The following FSD2 variants were observed in gnomAD, a reference collection of about 807,000 sequenced individuals.
FSD2 encodes the protein fibronectin type III and SPRY domain containing 2, also known as fibronectin type III and SPRY domain-containing protein 2.
FSD2 carries 71 observed loss-of-function variants against 80.4 expected under a neutral mutation model. The observed-to-expected ratio is 0.88, with a 90% CI of 0.73 to 1.08. The LOEUF (loss-of-function observed/expected upper bound fraction) is 1.08. FSD2 is among the 50% of genes least tolerant of loss of function. FSD2 has a pLI of 0.00. For synonymous variants in FSD2, 361 were observed against 329.5 expected, an observed-to-expected ratio of 1.10 and a Z score of -1.03; for missense variants, 923 against 913.8, an observed-to-expected ratio of 1.01 and a Z score of -0.13.
chr15:82,783,119 GAC>G lies in FSD2; in HGVS notation c.736-96_736-95del, dbSNP rs1268744064. 1.6e-5 allele frequency: 15 copies of G among 931,178 alleles called. No homozygotes were observed. In the East Asian group the frequency reaches 3.6e-4, roughly 22 times the overall value. The allele number at this position is 931,178 out of a possible 1,614,324, so 57.7% of individuals were successfully genotyped here. ...TGTTTTTTTGTTTGTTTGTTTTTGA[GAC>G]ACAGTCTTGCAGTGTTGCCCAGGCT... On this transcript the variant is annotated intron_variant, in intron 3 of 12. Coordinates refer to ENST00000334574, the MANE Select transcript of FSD2 (RefSeq NM_001007122.4).
intron 1 of FSD2, among the ~76,000 whole-genome samples, chr15:82,797,018 A>AT (rs1422627256): frequency 2.6e-5 from 2 of 76,762 alleles, no homozygotes; most frequent in South Asian, 3.5e-4. Flanking sequence ...TTGCTTGGTA[A>AT]TTAAAAAAAA....
intron 1 of FSD2, among the ~76,000 whole-genome samples, chr15:82,798,148 G>C (rs553174449): frequency 1.3e-5 from 2 of 152,162 alleles, no homozygotes; most frequent in African/African-American, 4.8e-5. Flanking sequence ...AGACCAGCCT[G>C]GGCAACAAAA....
rs1053810421 is a variant in FSD2, at chr15:82,766,844, A to C, written c.1554-813T>G. On this transcript the variant is annotated intron_variant, in intron 9 of 12. Transcript: ENST00000334574. ...AACCCCCTAACAGCTGCCTATTGGA[A>C]ATAATCCAATGTATTTAAATTGTAC... Among the ~76,000 whole-genome samples the C allele has an allele frequency of 1.4e-4, 22 of 152,346 alleles. 1 individual carries two copies. The highest frequency in any genetic ancestry group is 5.2e-4 in the Admixed American group (8 of 15,308).
rs2049490559 is a variant in FSD2 at position 82,768,926 on chromosome 15, C to G, written c.1507G>C (p.Val503Leu). 2 of 1,601,952 alleles carry G rather than the reference C, an allele frequency of 1.2e-6. No individual in the cohort carries two copies. The highest frequency in any genetic ancestry group is 4.5e-5 in the East Asian group (2 of 44,308). ...GNLNPVDSYT[V>L]ELTQAESPEA... is the part of the protein sequence containing the mutation. Reference sequence around the variant, plus strand: ...GGACTTTCAGCCTGGGTCAGCTCCACAGTGTACGAGTCCACAGGATTCAGG... The same window carrying G: ...GGACTTTCAGCCTGGGTCAGCTCCAGAGTGTACGAGTCCACAGGATTCAGG... Residue 503 changes from valine (V) to leucine (L), a missense_variant, in exon 9 of 13, where the codon GTG (valine) becomes CTG (leucine). By Grantham distance (32) the Val-to-Leu change is conservative. Transcript: ENST00000334574.
intron 10 of FSD2, among the ~76,000 whole-genome samples, 157 bp from the exon 11 acceptor site, chr15:82,765,455 C>A (rs546294638): frequency 7.4e-4 from 113 of 152,232 alleles, no homozygotes; most frequent in Non-Finnish European, 1.3e-3. Flanking sequence ...TGACACTCAT[C>A]GGGCAGTCTT....
rs2050474869 is a variant in FSD2 at position 82,804,068 on chromosome 15, A to G, written c.-79+1898T>C. On this transcript the variant is annotated intron_variant, in intron 1 of 12. Coordinates refer to ENST00000334574, the MANE Select transcript of FSD2 (RefSeq NM_001007122.4). ...TGTTGTTGTTCTTACTATCATTATCATGATTCCTACCTTAGTATCTCCCAC... is the reference window on the plus strand; with the variant it reads ...TGTTGTTGTTCTTACTATCATTATCGTGATTCCTACCTTAGTATCTCCCAC... 2.6e-5 allele frequency among the ~76,000 whole-genome samples: 4 copies of G among 152,188 alleles called. No individual in the cohort carries two copies. In the South Asian group the frequency reaches 8.3e-4, roughly 31 times the overall value.
chr15:82,771,903 A>G (rs1311949419), intron 7 of FSD2, among the ~76,000 whole-genome samples, 170 bp downstream of exon 7: 21 of 152,218 alleles, frequency 1.4e-4, no homozygotes, highest in Admixed American at 1.4e-3. Flanking sequence ...GTCAGGCCCC[A>G]GCGTGCCTTG....
intron 12 of FSD2, among the ~76,000 whole-genome samples, chr15:82,760,739 GCACACACA>G (rs141943507): frequency 2.0e-5 from 3 of 150,140 alleles, no homozygotes; most frequent in East Asian, 3.9e-4. Flanking sequence ...GTGCGTGCAC[GCACACACA>G]CACACACACA....
At chr15:82,760,733 G>GTGCA (rs1206903095) in intron 12 of FSD2, among the ~76,000 whole-genome samples, 6 of 75,526 alleles carry the variant, frequency 7.9e-5, no homozygotes, top group African/African-American at 1.9e-4. Context: ...ACGTGTGTGC[G>GTGCA]TGCACGCACA....
At chr15:82,779,856 A>G (rs2049810586) in intron 5 of FSD2, among the ~76,000 whole-genome samples, 1 of 152,174 alleles carries the variant, frequency 6.6e-6, no homozygotes, top group Non-Finnish European at 1.5e-5. Flanking sequence ...TGAGGGTAGC[A>G]GGATTTGAAC....
chr15:82,766,480 G>A (rs561544553), intron 9 of FSD2, among the ~76,000 whole-genome samples: 4 of 152,310 alleles, frequency 2.6e-5, no homozygotes, highest in African/African-American at 9.6e-5. Flanking sequence ...AATGGCTCAT[G>A]CCTGTAATTC....
At chr15:82,787,546 C>A in intron 1 of FSD2, 78 bp from the exon 2 acceptor site, 1 of 624,420 alleles carries the variant, frequency 1.6e-6, no homozygotes, top group Non-Finnish European at 2.6e-6. Context: ...GGGCTCTACT[C>A]ATATAAAACT....
chr15:82,782,407 C>A (rs761814343), intron 4 of FSD2, among the ~76,000 whole-genome samples: 21 of 152,152 alleles, frequency 1.4e-4, no homozygotes, highest in Non-Finnish European at 2.6e-4. Context: ...CTCAAAAAAA[C>A]CAAACCAAAA....
At chr15:82,766,134 TC>T in intron 9 of FSD2, 103 bp from the exon 10 acceptor site, 2 of 1,293,812 alleles carry the variant, frequency 1.5e-6, no homozygotes, top group South Asian at 3.2e-5. Flanking sequence ...ACTCTTGCGC[TC>T]CTGTCCTCTG....
At chr15:82,782,680 A>G in intron 4 of FSD2, 115 bp downstream of exon 4, 3 of 836,572 alleles carry the variant, frequency 3.6e-6, no homozygotes, top group Non-Finnish European at 5.8e-6. Flanking sequence ...GTCGATTCCA[A>G]TGCCTCCAGG....
intron 6 of FSD2, 36 bp downstream of exon 6, chr15:82,778,730 C>G: frequency 6.4e-7 from 1 of 1,564,440 alleles, no homozygotes; most frequent in Non-Finnish European, 8.7e-7. Context: ...TCTGGGTAGT[C>G]TGAACCTGCC....
Position 82,782,679 on chromosome 15 carries a change from A to G in FSD2, c.966+116T>C, listed in dbSNP as rs551115278. 3 of 833,546 alleles carry G rather than the reference A, an allele frequency of 3.6e-6. No individual in the cohort carries two copies. The Middle Eastern group carries it at 7.1e-4, about 198-fold the overall frequency. The allele number at this position is 833,546 out of a possible 1,614,324, so 51.6% of individuals were successfully genotyped here. On this transcript the variant is annotated intron_variant, in intron 4 of 12. Transcript: ENST00000334574. ...GATGCTGGCCATAAAAGTCGATTCC[A>G]ATGCCTCCAGGAGGAAAGAGGACAA...
intron 1 of FSD2, among the ~76,000 whole-genome samples, chr15:82,793,316 G>T (rs1247162872): frequency 6.6e-6 from 1 of 151,278 alleles, no homozygotes; most frequent in African/African-American, 2.4e-5. Context: ...GGCCAGGCTG[G>T]TTTTTTGTGT....
intron 4 of FSD2, among the ~76,000 whole-genome samples, chr15:82,782,013 G>A (rs1175713063): frequency 8.1e-5 from 12 of 148,882 alleles, no homozygotes; most frequent in Admixed American, 4.7e-4. Flanking sequence ...GCAGTGAGCC[G>A]AGATCGTGCC....
Sources: allele counts gnomAD v4.1 joint callset (sites outside exome capture counted in the v4.1 genomes callset), GRCh38; gene constraint gnomAD v4.1.1; transcripts MANE v1.5; gene names NCBI Gene and HGNC (gene_info 2026-07-23, HGNC 2026-07-21).